CDK19: variants seen among roughly 807,000 people sequenced by gnomAD.
The protein encoded by CDK19 is cyclin dependent kinase 19.
A neutral mutation model predicts 68.3 loss-of-function variants in CDK19; 20 were observed. The ratio of observed to expected loss-of-function variants is 0.29; its 90% CI spans 0.21 to 0.43. The LOEUF (loss-of-function observed/expected upper bound fraction) is 0.43, where lower values mean the gene tolerates loss of function less well. CDK19 is among the 20% of genes least tolerant of loss of function. The pLI, the probability that CDK19 is intolerant of heterozygous loss-of-function variation, is 1.00. For missense variants in CDK19, 339 were observed against 623.5 expected (o/e 0.54, Z 4.86); for synonymous variants, 221 against 222.8 (o/e 0.99, Z 0.07).
At chr6:110,672,389 T>C (rs1363910023) in intron 2 of CDK19, among the ~76,000 whole-genome samples, 2 of 152,230 alleles carry the variant, frequency 1.3e-5, no homozygotes, top group African/African-American at 4.8e-5. Flanking sequence ...AGTAGCAATA[T>C]TTAATCAACA....
intron 2 of CDK19, among the ~76,000 whole-genome samples, chr6:110,736,462 T>C (rs558935583): frequency 6.6e-6 from 1 of 152,356 alleles, no homozygotes; most frequent in South Asian, 2.1e-4. Context: ...ACCCCAAGTC[T>C]ATCTGAATCC....
In CDK19 at chr6:110,623,939, A is replaced by G. The variant is rs368948512; in HGVS notation, c.861-577T>C. Among the ~76,000 whole-genome samples the G allele has an allele frequency of 8.0e-4, 119 of 147,872 alleles. 1 individual carries two copies. The highest frequency in any genetic ancestry group is 1.7e-3 in the African/African-American group (69 of 40,192). On this transcript the variant is annotated intron_variant, in intron 8 of 12. Coordinates refer to ENST00000368911, the MANE Select transcript of CDK19 (RefSeq NM_015076.5). ...TATATATATACGTGTATATATATAT[A>G]TGTGTGTATATATATATAGACAATC...
chr6:110,683,660 T>A (rs1772201067), intron 2 of CDK19, among the ~76,000 whole-genome samples: 1 of 151,868 alleles, frequency 6.6e-6, no homozygotes, highest in Admixed American at 6.6e-5. Context: ...TCTCCTTGAC[T>A]ATGAGAGCAT....
intron 4 of CDK19, among the ~76,000 whole-genome samples, chr6:110,641,227 A>G (rs1780140592): frequency 6.6e-6 from 1 of 152,214 alleles, no homozygotes; most frequent in Non-Finnish European, 1.5e-5. Flanking sequence ...TTTAGGAAAC[A>G]ACAGGAAATA....
Position 110,670,502 on chromosome 6 carries a change from G to T in CDK19, c.244C>A (p.Gln82Lys). Residue 82 changes from glutamine (Q) to lysine (K), a missense_variant, in exon 3 of 13, where the codon CAG becomes AAG. By Grantham distance (53) the Gln-to-Lys change is moderately conservative. Around this residue, in one of 4 missense-constraint regions of CDK19, gnomAD observed 120 missense variants for 224.0 expected, o/e 0.54. Coordinates refer to ENST00000368911, the MANE Select transcript of CDK19 (RefSeq NM_015076.5). ...TCACTGTGAGAAAGGAACACCTTCT[G>T]CAATGCAATCACATTAGGGTGCTTC... ...ELKHPNVIAL[Q>K]KVFLSHSDRK... 1 of 1,612,920 alleles carries T rather than the reference G, an allele frequency of 6.2e-7. No individual in the cohort carries two copies. The highest frequency in any genetic ancestry group is 8.5e-7 in the Non-Finnish European group (1 of 1,178,896).
rs72952046 is a variant in CDK19 at position 110,777,485 on chromosome 6, A to G, written c.129-31284T>C. On this transcript the variant is annotated intron_variant, in intron 1 of 12. Transcript: ENST00000368911. ...AAAAGGAAAAACTAAAAAATAAAAT[A>G]AAATAAGAAGGGTTGGTGAGGACGT... 2.8e-3 allele frequency among the ~76,000 whole-genome samples: 432 copies of G among 152,308 alleles called. 3 individuals carry two copies. Among genetic ancestry groups the G allele is most frequent in the South Asian group, 0.016 (78 of 4,826 alleles).
intron 1 of CDK19, among the ~76,000 whole-genome samples, chr6:110,790,631 T>G (rs1365468913): frequency 1.5e-5 from 2 of 137,052 alleles, no homozygotes; most frequent in Non-Finnish European, 3.2e-5. Context: ...GATCCACAGA[T>G]TCACTTTGAA....
At chr6:110,779,826 T>G (rs1780667698) in intron 1 of CDK19, among the ~76,000 whole-genome samples, 1 of 152,168 alleles carries the variant, frequency 6.6e-6, no homozygotes, top group Non-Finnish European at 1.5e-5. Flanking sequence ...GGCTCACACC[T>G]GTAATCCCAG....
chr6:110,815,495 C>T (rs1344959091), upstream of CDK19: 1 of 176,970 alleles, frequency 5.7e-6, no homozygotes, highest in African/African-American at 2.4e-5. Context: ...CGCGGAGGCT[C>T]CTGGGAAATG....
At position 110,815,248 on chromosome 6, in the gene CDK19, C is replaced by A; in HGVS notation, c.-112G>T. On this transcript the variant is annotated 5_prime_UTR_variant, in exon 1 of 13. Transcript: ENST00000368911. The stretch of plus-strand genomic sequence containing the variant: ...TTCTCCAACAGCCGCCTCTCGCGCG[C>A]GCGCGCGCGCCGCCCGCCGCCCGCC... 2 of 1,183,760 alleles carry A rather than the reference C, an allele frequency of 1.7e-6. No individual in the cohort carries two copies. Among genetic ancestry groups the A allele is most frequent in the Non-Finnish European group, 2.1e-6 (2 of 938,178 alleles). 73.3% of individuals were successfully genotyped at this position (1,183,760 alleles called of 1,614,324 possible).
At chr6:110,769,580 T>A (rs1004588882) in intron 1 of CDK19, among the ~76,000 whole-genome samples, 1,892 of 142,936 alleles carry the variant, frequency 0.013, 17 homozygotes, top group African/African-American at 0.028. Flanking sequence ...AAAAAAAAAA[T>A]AATAATAATA....
At chr6:110,692,009 A>G (rs1283272142) in intron 2 of CDK19, among the ~76,000 whole-genome samples, 1 of 151,676 alleles carries the variant, frequency 6.6e-6, no homozygotes, top group East Asian at 2.0e-4. Flanking sequence ...AATGAAAGAC[A>G]CACTGGCTGG....
intron 1 of CDK19, among the ~76,000 whole-genome samples, chr6:110,760,499 G>C (rs552374078): frequency 4.6e-5 from 7 of 151,848 alleles, no homozygotes; most frequent in Non-Finnish European, 8.8e-5. Flanking sequence ...AGGCTGAGGC[G>C]GGAGGATTAC....
chr6:110,650,676 C>G (rs1299437017), intron 4 of CDK19, among the ~76,000 whole-genome samples: 1 of 151,992 alleles, frequency 6.6e-6, no homozygotes, highest in Non-Finnish European at 1.5e-5. Flanking sequence ...GAAGGGCAGT[C>G]CTGGCAGAGG....
chr6:110,662,615 T>A (rs1781689151), intron 4 of CDK19, among the ~76,000 whole-genome samples: 1 of 152,202 alleles, frequency 6.6e-6, no homozygotes, highest in Non-Finnish European at 1.5e-5. Flanking sequence ...ATTATTGAGA[T>A]ATGAACCTTG....
intron 2 of CDK19, among the ~76,000 whole-genome samples, chr6:110,741,832 G>A (rs1777696264): frequency 6.6e-6 from 1 of 152,104 alleles, no homozygotes; most frequent in Non-Finnish European, 1.5e-5. Context: ...AACTCAAGAA[G>A]AGCTGGGTAA....
At chr6:110,749,728 C>CA (rs1481145765) in intron 1 of CDK19, among the ~76,000 whole-genome samples, 2 of 151,242 alleles carry the variant, frequency 1.3e-5, no homozygotes, top group East Asian at 1.9e-4. Flanking sequence ...CACATCTGTG[C>CA]AAAAAACAGA....
At chr6:110,679,682 G>A (rs564902158) in intron 2 of CDK19, among the ~76,000 whole-genome samples, 5 of 152,214 alleles carry the variant, frequency 3.3e-5, no homozygotes, top group African/African-American at 1.2e-4. Context: ...TCTTATACCT[G>A]TATAACAGTC....
intron 1 of CDK19, among the ~76,000 whole-genome samples, chr6:110,757,725 T>C (rs1399769721): frequency 6.6e-6 from 1 of 152,194 alleles, no homozygotes; most frequent in Non-Finnish European, 1.5e-5. Flanking sequence ...AAACCATTCA[T>C]ATATGTACAT....
Sources: allele counts gnomAD v4.1 joint callset (sites outside exome capture counted in the v4.1 genomes callset), GRCh38; gene constraint gnomAD v4.1.1; regional missense constraint gnomAD v4.1.1; transcripts MANE v1.5; gene names NCBI Gene and HGNC (gene_info 2026-07-23, HGNC 2026-07-21).